IL1RAPL1: variants seen among roughly 807,000 people sequenced by gnomAD.
The protein encoded by IL1RAPL1 is interleukin 1 receptor accessory protein like 1, also known as interleukin-1 receptor accessory protein-like 1.
IL1RAPL1 carries 3 observed loss-of-function variants against 48.4 expected under a neutral mutation model. That is an observed-to-expected ratio of 0.06 (90% CI 0.03 to 0.16). The LOEUF is 0.16. IL1RAPL1 is among the 10% of genes least tolerant of loss of function. The probability of loss-of-function intolerance (pLI) is 1.00; values close to 1 mark genes in which losing one functional copy is unlikely to be tolerated. For synonymous variants in IL1RAPL1, 185 were observed against 187.7 expected (o/e 0.99, Z 0.12); for missense variants, 349 against 530.6 (o/e 0.66, Z 3.36).
intron 5 of IL1RAPL1, among the ~76,000 whole-genome samples, chrX:29,560,208 A>G (rs1433999332): frequency 9.0e-6 from 1 of 111,603 alleles, no homozygotes; most frequent in Non-Finnish European, 1.9e-5. Flanking sequence ...CTCCGGATAT[A>G]TAATCCCATT....
intron 6 of IL1RAPL1, among the ~76,000 whole-genome samples, chrX:29,758,268 T>G (rs1328207310): frequency 2.7e-5 from 3 of 111,769 alleles, no homozygotes; most frequent in Non-Finnish European, 3.8e-5. Flanking sequence ...TTTCCTGTCT[T>G]CCAATTTAAG....
intron 2 of IL1RAPL1, among the ~76,000 whole-genome samples, chrX:29,150,083 A>G (rs190091068): frequency 1.5e-4 from 17 of 112,494 alleles, no homozygotes; most frequent in African/African-American, 5.5e-4. Context: ...GAGAGAATCA[A>G]AATCAGTATC....
intron 6 of IL1RAPL1, among the ~76,000 whole-genome samples, chrX:29,695,872 A>T (rs1361825730): frequency 4.5e-5 from 5 of 111,431 alleles, no homozygotes; most frequent in Non-Finnish European, 7.5e-5. Flanking sequence ...ACTGAAACTT[A>T]TGCTATTCTT....
chrX:29,352,229 G>T (rs1252719945), intron 3 of IL1RAPL1, among the ~76,000 whole-genome samples: 2 of 111,207 alleles, frequency 1.8e-5, no homozygotes, highest in Non-Finnish European at 3.8e-5. Context: ...GATTCTTGCT[G>T]TAGGTACTGT....
At chrX:29,406,191 C>A (rs1157539309) in intron 5 of IL1RAPL1, among the ~76,000 whole-genome samples, 1 of 111,217 alleles carries the variant, frequency 9.0e-6, no homozygotes, top group South Asian at 3.8e-4. Context: ...AGATCAAGAC[C>A]ATCCTGGCTA....
chrX:29,882,143 C>T (rs778502521), intron 6 of IL1RAPL1, among the ~76,000 whole-genome samples: 2 of 111,651 alleles, frequency 1.8e-5, no homozygotes, highest in Non-Finnish European at 3.8e-5. Context: ...CAAGAAACAG[C>T]CTTCCTGTAT....
chrX:29,306,419 C>T (rs1002518695), intron 3 of IL1RAPL1, among the ~76,000 whole-genome samples: 15 of 104,984 alleles, frequency 1.4e-4, no homozygotes, highest in African/African-American at 3.5e-4. Context: ...ATCCCAGCTA[C>T]TCGGGAGGCT....
intron 5 of IL1RAPL1, among the ~76,000 whole-genome samples, chrX:29,493,171 T>G (rs1935176676): frequency 8.9e-6 from 1 of 111,908 alleles, no homozygotes; most frequent in Non-Finnish European, 1.9e-5. Flanking sequence ...AGCTCTGTTT[T>G]TCTCACTTGG....
chrX:28,998,964 C>G (rs1443900112), intron 2 of IL1RAPL1, among the ~76,000 whole-genome samples: 1 of 111,655 alleles, frequency 9.0e-6, no homozygotes, highest in Non-Finnish European at 1.9e-5. Context: ...CTGTCTCTAG[C>G]TCAGGAATTT....
At chrX:29,239,439 A>G (rs1931365918) in intron 2 of IL1RAPL1, among the ~76,000 whole-genome samples, 1 of 112,524 alleles carries the variant, frequency 8.9e-6, no homozygotes, top group Non-Finnish European at 1.9e-5. Context: ...AGTAGTGTGC[A>G]TTAGATTTTT....
chrX:29,901,478 C>T lies in IL1RAPL1; in HGVS notation c.779-15986C>T, dbSNP rs188748251. 1.4e-3 allele frequency among the ~76,000 whole-genome samples: 160 copies of T among 112,060 alleles called. 1 individual carries two copies. Among genetic ancestry groups the T allele is most frequent in the South Asian group, 1.9e-3 (5 of 2,668 alleles). Reference sequence around the variant, plus strand: ...TGAACAGACCCCTAGTGGTCACTGACATTTGAATAAACTGCTAGGGGTATT... The same window carrying T: ...TGAACAGACCCCTAGTGGTCACTGATATTTGAATAAACTGCTAGGGGTATT... On this transcript the variant is annotated intron_variant, in intron 6 of 10. Coordinates refer to ENST00000378993, the MANE Select transcript of IL1RAPL1 (RefSeq NM_014271.4).
At chrX:29,059,730 T>G (rs915341149) in intron 2 of IL1RAPL1, among the ~76,000 whole-genome samples, 1 of 111,847 alleles carries the variant, frequency 8.9e-6, no homozygotes, top group Admixed American at 9.5e-5. Context: ...GCTACCAAAA[T>G]TTTAGAAAAC....
At chrX:29,110,490 A>C (rs1928540461) in intron 2 of IL1RAPL1, among the ~76,000 whole-genome samples, 1 of 111,720 alleles carries the variant, frequency 9.0e-6, no homozygotes, top group Admixed American at 9.6e-5. Flanking sequence ...AGAGCATTGC[A>C]CTAAAATGCT....
In IL1RAPL1 at chrX:29,955,820, A is replaced by G; in HGVS notation, c.2091A>G (p.Ter697TrpextTer55). ...CCAGTATATCCAGTGTGATATGGTG[A>G]CAGAAAAGCAAGGGACATCCCGTCC... ...RETSISSVIW[*>W] is the part of the protein sequence containing the mutation. Residue 697 changes from the stop codon to tryptophan, a stop_lost, in exon 11 of 11, where the codon TGA becomes TGG. Coordinates refer to ENST00000378993, the MANE Select transcript of IL1RAPL1 (RefSeq NM_014271.4). 8.3e-7 allele frequency: 1 copy of G among 1,199,261 alleles called. No homozygotes were observed. The highest frequency in any genetic ancestry group is 1.1e-6 in the Non-Finnish European group (1 of 884,679).
intron 3 of IL1RAPL1, among the ~76,000 whole-genome samples, chrX:29,328,702 G>T (rs1220699246): frequency 9.2e-6 from 1 of 108,853 alleles, no homozygotes; most frequent in Non-Finnish European, 1.9e-5. Context: ...GTTCATAAAT[G>T]AATAATTGTA....
intron 5 of IL1RAPL1, among the ~76,000 whole-genome samples, chrX:29,441,152 C>G (rs1377293271): frequency 4.5e-5 from 5 of 111,005 alleles, no homozygotes; most frequent in Non-Finnish European, 7.6e-5. Context: ...ACAAATATGC[C>G]CAGCTACCTA....
intron 2 of IL1RAPL1, among the ~76,000 whole-genome samples, chrX:29,128,605 G>A (rs1286330250): frequency 9.0e-6 from 1 of 110,770 alleles, no homozygotes; most frequent in African/African-American, 3.3e-5. Context: ...TCCTGCTTGG[G>A]GCCTCCTAGC....
intron 6 of IL1RAPL1, among the ~76,000 whole-genome samples, chrX:29,894,282 A>G (rs947312132): frequency 2.7e-5 from 3 of 112,389 alleles, no homozygotes; most frequent in Non-Finnish European, 3.8e-5. Context: ...AAAGATATTA[A>G]CTGGAGAAAG....
Position 29,605,316 on chromosome X carries a change from T to G in IL1RAPL1, c.704-63114T>G, listed in dbSNP as rs1051772250. On this transcript the variant is annotated intron_variant, in intron 5 of 10. Transcript: ENST00000378993. ...AGTTATGTGTATTAATAACTTCCCC[T>G]TATTTGTTTAAGTAGCTGAATTGAG... 8.1e-5 allele frequency among the ~76,000 whole-genome samples: 9 copies of G among 111,771 alleles called. No individual in the cohort carries two copies. The East Asian group carries it at 1.1e-3, about 14-fold the overall frequency.
Sources: allele counts gnomAD v4.1 joint callset (sites outside exome capture counted in the v4.1 genomes callset), GRCh38; gene constraint gnomAD v4.1.1; transcripts MANE v1.5; gene names NCBI Gene and HGNC (gene_info 2026-07-23, HGNC 2026-07-21).